The following TFIP11 variants were observed in gnomAD, a reference collection of about 807,000 sequenced individuals.
TFIP11 encodes the protein tuftelin interacting protein 11.
In TFIP11, 86 loss-of-function variants were observed where a neutral mutation model predicts 96.8. That is an observed-to-expected ratio of 0.89 (90% CI 0.75 to 1.06). TFIP11 has a LOEUF of 1.06. TFIP11 is among the 50% of genes least tolerant of loss of function. The pLI is 0.00. For synonymous variants in TFIP11, 405 were observed against 395.2 expected, an observed-to-expected ratio of 1.02 and a Z score of -0.29; for missense variants, 881 against 1,076.7, an observed-to-expected ratio of 0.82 and a Z score of 2.54.
At chr22:26,500,337 T>C (rs769042200) in intron 8 of TFIP11, among the ~76,000 whole-genome samples, 44 of 152,046 alleles carry the variant, frequency 2.9e-4, no homozygotes, top group Admixed American at 2.0e-4. Flanking sequence ...ACTTGGCTAA[T>C]TTTTTGTATT....
At position 26,496,062 on chromosome 22, in the gene TFIP11, C is replaced by T; in HGVS notation, c.1849+11G>A. 6.2e-7 allele frequency: 1 copy of T among 1,612,636 alleles called. No homozygotes were observed. The highest frequency in any genetic ancestry group is 8.5e-7 in the Non-Finnish European group (1 of 1,179,454). Reference sequence around the variant, plus strand: ...CTGCTGGGCTTGGAATGCATTTCCCCTTATCCTTACCCAGCTTGGGCACTA... The same window carrying T: ...CTGCTGGGCTTGGAATGCATTTCCCTTTATCCTTACCCAGCTTGGGCACTA... On this transcript the variant is annotated intron_variant, in intron 12 of 14. Coordinates refer to ENST00000407690, the MANE Select transcript of TFIP11 (RefSeq NM_012143.4).
intron 10 of TFIP11, 169 bp downstream of exon 10, chr22:26,498,700 A>AG (rs1922367772): frequency 5.0e-6 from 3 of 600,544 alleles, no homozygotes; most frequent in Admixed American, 2.9e-5. Flanking sequence ...TTTCAAAAAA[A>AG]TTAAAAAAAA....
At position 26,496,267 on chromosome 22, in the gene TFIP11, A is replaced by G; in HGVS notation, c.1655T>C (p.Ile552Thr). Residue 552 changes from isoleucine (I) to threonine (T), a missense_variant, in exon 12 of 15, where the codon ATC (isoleucine) becomes ACC (threonine). By Grantham distance (89) the Ile-to-Thr change is moderately conservative. Coordinates refer to ENST00000407690, the MANE Select transcript of TFIP11 (RefSeq NM_012143.4). ...CTGCATAAGGGGCAGCCATGGGTGG[A>G]TCCAAGAGTGGATGGGAACAGTGTC... Reference protein sequence around the residue: ...LTDTVPIHSWIHPWLPLMQAR... With the variant: ...LTDTVPIHSWTHPWLPLMQAR... The G allele has an allele frequency of 6.2e-7, 1 of 1,612,658 alleles. No homozygotes were observed. Among genetic ancestry groups the G allele is most frequent in the Non-Finnish European group, 8.5e-7 (1 of 1,178,966 alleles).
chr22:26,505,086 A>T (rs955634190), intron 6 of TFIP11, among the ~76,000 whole-genome samples: 5 of 152,086 alleles, frequency 3.3e-5, no homozygotes, highest in African/African-American at 1.2e-4. Context: ...TCAAAAAATA[A>T]TAATGTTATT....
At chr22:26,503,602 T>C in intron 7 of TFIP11, 64 bp downstream of exon 7, 12 of 1,590,896 alleles carry the variant, frequency 7.5e-6, no homozygotes, top group Non-Finnish European at 1.0e-5. Context: ...AATGAAGGGA[T>C]AAATGAACAG....
At chr22:26,494,013 T>C (rs1921586795) in intron 14 of TFIP11, 126 bp downstream of exon 14, 6 of 1,034,608 alleles carry the variant, frequency 5.8e-6, no homozygotes, top group South Asian at 1.6e-5. Flanking sequence ...TCTGTTGCTA[T>C]GTGCAAAAGT....
chr22:26,494,880 A>G lies in TFIP11; in HGVS notation c.1909T>C (p.Trp637Arg). The G allele has an allele frequency of 6.2e-7, 1 of 1,614,210 alleles. No homozygotes were observed. The highest frequency in any genetic ancestry group is 8.5e-7 in the Non-Finnish European group (1 of 1,180,026). The change falls in exon 13 of 15, where the codon TGG becomes CGG. Residue 637 changes from tryptophan (W) to arginine (R), a missense_variant. Coordinates refer to ENST00000407690, the MANE Select transcript of TFIP11 (RefSeq NM_012143.4). The stretch of plus-strand genomic sequence containing the variant: ...ATCATCCCTTCCCAGTCAATCACCC[A>G]ATAGAATGCATCCATGTGCTGCTGG... ...PHQQHMDAFY[W>R]VIDWEGMISV...
chr22:26,509,498 G>C (rs1923798932), intron 4 of TFIP11, among the ~76,000 whole-genome samples: 1 of 152,162 alleles, frequency 6.6e-6, no homozygotes, highest in Non-Finnish European at 1.5e-5. Context: ...TGGGCTCTAG[G>C]AAGGCAAGAA....
At chr22:26,509,408 C>G (rs957999171) in intron 4 of TFIP11, among the ~76,000 whole-genome samples, 2 of 152,196 alleles carry the variant, frequency 1.3e-5, no homozygotes, top group Admixed American at 6.5e-5. Context: ...CCCTCATGTC[C>G]TCATGTCCCT....
Position 26,506,931 on chromosome 22 carries a change from G to T in TFIP11, c.210-3C>A, listed in dbSNP as rs1923493058. 3.1e-6 allele frequency: 5 copies of T among 1,613,348 alleles called. No individual in the cohort carries two copies. In the Admixed American group the frequency reaches 5.0e-5, roughly 16 times the overall value. On this transcript the variant is annotated splice_region_variant and splice_polypyrimidine_tract_variant and intron_variant, in intron 4 of 14. Coordinates refer to ENST00000407690, the MANE Select transcript of TFIP11 (RefSeq NM_012143.4). ...CTGGCGCAGAGTAGTCACGGGCCCT[G>T]TAGGCACAGAAACAAAGCCCCACCA...
rs35168805 is a variant in TFIP11, at chr22:26,504,720, T to C, written c.521-927A>G. The stretch of plus-strand genomic sequence containing the variant: ...TCATTCTCATTCAGTGTATCTTTAC[T>C]CAAGTTCATGTATTTTTCATGTACC... On this transcript the variant is annotated intron_variant, in intron 6 of 14. Transcript: ENST00000407690. Among the ~76,000 whole-genome samples the C allele has an allele frequency of 6.1e-3, 926 of 152,282 alleles. 6 individuals are homozygous for C. The highest frequency in any genetic ancestry group is 0.012 in the Admixed American group (177 of 15,286).
chr22:26,506,096 C>T (rs1391645648), intron 6 of TFIP11: 1 of 493,942 alleles, frequency 2.0e-6, no homozygotes, highest in African/African-American at 2.0e-5. Context: ...TAGACCCTAA[C>T]CCTTTCCTTG....
chr22:26,499,750 G>T, intron 8 of TFIP11, 119 bp from the exon 9 acceptor site: 1 of 1,067,672 alleles, frequency 9.4e-7, no homozygotes, highest in Non-Finnish European at 1.3e-6. Flanking sequence ...ATTCAACAGA[G>T]CTGGAGAAGG....
intron 8 of TFIP11, among the ~76,000 whole-genome samples, chr22:26,500,661 GAAAAA>G (rs112618998): frequency 6.9e-4 from 98 of 142,494 alleles, no homozygotes; most frequent in Non-Finnish European, 1.3e-3. Flanking sequence ...CTCACTGGAG[GAAAAA>G]AAAAAAAAGA....
intron 10 of TFIP11, among the ~76,000 whole-genome samples, chr22:26,497,682 C>A (rs1258786177): frequency 1.3e-5 from 2 of 152,028 alleles, no homozygotes; most frequent in Admixed American, 1.3e-4. Flanking sequence ...TCGAGACCAT[C>A]CTGGCCAACA....
chr22:26,497,281 T>C (rs747636877), intron 10 of TFIP11, among the ~76,000 whole-genome samples: 9 of 152,174 alleles, frequency 5.9e-5, no homozygotes, highest in Non-Finnish European at 8.8e-5. Context: ...TCCAAGTAGG[T>C]TGCTCCTGCA....
intron 10 of TFIP11, among the ~76,000 whole-genome samples, chr22:26,497,639 A>T (rs1292508615): frequency 6.6e-6 from 1 of 152,208 alleles, no homozygotes; most frequent in Non-Finnish European, 1.5e-5. Flanking sequence ...GCACTCTGGG[A>T]GGCCAAGGCA....
Position 26,495,260 on chromosome 22 carries a change from CTTTTTTTTTTTTTTTTTTTTT to C in TFIP11, c.1850-342_1850-322del, listed in dbSNP as rs150268332. On this transcript the variant is annotated intron_variant, in intron 12 of 14. Coordinates refer to ENST00000407690, the MANE Select transcript of TFIP11 (RefSeq NM_012143.4). ...TACAGGCATAAGTCACAACTCCTGG[CTTTTTTTTTTTTTTTTTTTTT>C]TTTTTTTTTTTTTTGTTGAGACAGG... Among the ~76,000 whole-genome samples, 25 of 59,184 alleles carry C rather than the reference CTTTTTTTTTTTTTTTTTTTTT, an allele frequency of 4.2e-4. No homozygotes were observed. In the East Asian group the frequency reaches 7.6e-3, roughly 18 times the overall value. The allele number at this position is 59,184 out of a possible 152,430, so 38.8% of individuals were successfully genotyped here.
intron 14 of TFIP11, 70 bp downstream of exon 14, chr22:26,494,069 T>A: frequency 6.4e-7 from 1 of 1,567,680 alleles, no homozygotes. Context: ...AAACTCTGAT[T>A]CTGTGTCATT....
Sources: gnomAD v4.1 joint callset for allele counts (sites outside exome capture counted in the v4.1 genomes callset) on GRCh38, gnomAD v4.1.1 for gene constraint, MANE v1.5 for transcripts, NCBI Gene and HGNC (gene_info 2026-07-23, HGNC 2026-07-21) for gene names.